MOB3C: variants seen among roughly 807,000 people sequenced by gnomAD.
MOB3C encodes the protein MOB1, Mps One Binder kinase activator-like 2C.
In MOB3C, 17 loss-of-function variants were observed where a neutral mutation model predicts 19.8. The observed-to-expected ratio is 0.86, with a 90% CI of 0.59 to 1.29. MOB3C has a LOEUF of 1.29. MOB3C is among the 50% of genes most tolerant of loss of function. MOB3C has a pLI of 0.00. For missense variants in MOB3C, 291 were observed against 301.9 expected (o/e 0.96, Z 0.27); for synonymous variants, 101 against 119.2 (o/e 0.85, Z 0.99).
At chr1:46,614,891 G>T in intron 1 of MOB3C, 2 of 1,094,548 alleles carry the variant, frequency 1.8e-6, no homozygotes, top group Non-Finnish European at 1.4e-6. Flanking sequence ...CAGGATGGGG[G>T]CAGTCTGGTA....
chr1:46,612,721 T>C (rs1302355151), intron 2 of MOB3C, among the ~76,000 whole-genome samples, 183 bp downstream of exon 2: 1 of 147,208 alleles, frequency 6.8e-6, no homozygotes, highest in African/African-American at 2.5e-5. Context: ...AAATTGGGAG[T>C]CAGGAAGTCC....
intron 1 of MOB3C, chr1:46,614,254 T>C (rs1675525192): frequency 6.6e-6 from 1 of 152,220 alleles, no homozygotes. Flanking sequence ...GATCCCAGAT[T>C]CAGAACAAAT....
chr1:46,613,659 T>G, intron 1 of MOB3C: 1 of 444,824 alleles, frequency 2.2e-6, no homozygotes, highest in Non-Finnish European at 4.0e-6. Flanking sequence ...AGACTTGCTG[T>G]TGGTCACGAG....
rs1419379456 is a variant in MOB3C at position 46,608,651 on chromosome 1, G to C, written c.*1004C>G. 3.9e-5 allele frequency: 6 copies of C among 152,686 alleles called. No individual in the cohort carries two copies. The allele number at this position is 152,686 out of a possible 1,614,324, so 9.5% of individuals were successfully genotyped here. A position where few individuals can be genotyped will look rare whatever the true frequency, so the allele number is the denominator to read the frequency against. ...CAAGACTCCAAAGTTCCCAATTCAA[G>C]TTCCACAAGCTCCTTGGACGGGGAG... On this transcript the variant is annotated 3_prime_UTR_variant, in exon 4 of 4. Transcript: ENST00000319928. The surrounding 1 kb of genome is among the most constrained non-coding windows in gnomAD (Gnocchi z 4.5).
At position 46,613,043 on chromosome 1, in the gene MOB3C, C is replaced by T; in HGVS notation, c.279G>A (p.Gly93=). 1.2e-6 allele frequency: 2 copies of T among 1,614,056 alleles called. No homozygotes were observed. The highest frequency in any genetic ancestry group is 8.5e-7 in the Non-Finnish European group (1 of 1,179,974). Residue 93 remains glycine (G), a synonymous_variant, in exon 2 of 4, where the codon GGG becomes GGA. Coordinates refer to ENST00000319928, the MANE Select transcript of MOB3C (RefSeq NM_201403.3). ...SETSCPVMAG[G]PRYEYRWQDE... Reference sequence around the variant, plus strand: ...CCTGCCAGCGGTACTCGTAGCGGGGCCCGCCGGCCATGACCGGGCAGCTGG... The same window carrying T: ...CCTGCCAGCGGTACTCGTAGCGGGGTCCGCCGGCCATGACCGGGCAGCTGG...
intron 2 of MOB3C, 67 bp downstream of exon 2, chr1:46,612,837 T>C (rs1372722270): frequency 4.8e-6 from 7 of 1,455,788 alleles, no homozygotes; most frequent in African/African-American, 1.4e-5. Flanking sequence ...AGAGTGTCTA[T>C]ATCAAACTAA....
In MOB3C at chr1:46,609,935, G is replaced by A; in HGVS notation, c.621+67C>T. On this transcript the variant is annotated intron_variant, in intron 3 of 3. Transcript: ENST00000319928. ...TGGGCGTTGGAGTTACTTAAAGCAG[G>A]CAGCTTTTGGACGTGAAAACTCAGA... 5 of 1,571,012 alleles carry A rather than the reference G, an allele frequency of 3.2e-6. No individual in the cohort carries two copies. The South Asian group carries it at 5.6e-5, about 17-fold the overall frequency.
At chr1:46,615,262 C>A (rs1214781868) in intron 1 of MOB3C, 5 of 577,162 alleles carry the variant, frequency 8.7e-6, no homozygotes, top group Non-Finnish European at 1.5e-5. Context: ...CTCCCCACAC[C>A]AACCACCCTG....
At chr1:46,615,251 C>T in intron 1 of MOB3C, 1 of 582,232 alleles carries the variant, frequency 1.7e-6, no homozygotes, top group Non-Finnish European at 3.0e-6. Context: ...CCACTTCCCA[C>T]CTCCCCACAC....
intron 3 of MOB3C, 150 bp downstream of exon 3, chr1:46,609,852 C>G: frequency 8.2e-7 from 1 of 1,218,004 alleles, no homozygotes. Flanking sequence ...TGAATGAATT[C>G]TCTATTGAAG....
At chr1:46,612,304 A>C (rs1675482224) in intron 2 of MOB3C, among the ~76,000 whole-genome samples, 1 of 152,166 alleles carries the variant, frequency 6.6e-6, no homozygotes, top group African/African-American at 2.4e-5. Context: ...GGGAGGCTGG[A>C]GGTCAAATCA....
chr1:46,615,131 A>G, intron 1 of MOB3C: 3 of 1,420,236 alleles, frequency 2.1e-6, no homozygotes, highest in Admixed American at 1.7e-5. Flanking sequence ...AATCCCTCAC[A>G]CTGCAATTAG....
intron 2 of MOB3C, among the ~76,000 whole-genome samples, chr1:46,612,519 C>T (rs1052157899): frequency 3.9e-5 from 6 of 151,964 alleles, no homozygotes; most frequent in Non-Finnish European, 2.9e-5. Context: ...CAAAAATTAG[C>T]CAGGCGTGGT....
At chr1:46,614,695 C>T (rs572046940) in intron 1 of MOB3C, 1 of 401,544 alleles carries the variant, frequency 2.5e-6, no homozygotes, top group African/African-American at 2.0e-5. Flanking sequence ...GGAGCACTGT[C>T]CTTTCTCACA....
chr1:46,608,327 G>C lies in MOB3C; in HGVS notation c.*1328C>G, dbSNP rs1020120014. On this transcript the variant is annotated 3_prime_UTR_variant, in exon 4 of 4. Transcript: ENST00000319928. This position sits in a 1 kb window ranked among gnomAD's most constrained non-coding sequence, Gnocchi z 4.5. ...GACAGTAAGACTGGATGATTCTCAGGTTCCCTCTGGCTTTCCATTCTGGCA... is the reference window on the plus strand; with the variant it reads ...GACAGTAAGACTGGATGATTCTCAGCTTCCCTCTGGCTTTCCATTCTGGCA... 1.3e-5 allele frequency: 2 copies of C among 152,224 alleles called. No homozygotes were observed. Among genetic ancestry groups the C allele is most frequent in the African/African-American group, 4.8e-5 (2 of 41,440 alleles). The allele number at this position is 152,224 out of a possible 1,614,324, so 9.4% of individuals were successfully genotyped here.
intron 2 of MOB3C, among the ~76,000 whole-genome samples, chr1:46,612,530 G>A (rs12048342): frequency 0.26 from 38,742 of 151,816 alleles, 4,970 homozygotes; most frequent in Admixed American, 0.33. Context: ...CAGGCGTGGT[G>A]GTGGGTGCCT....
At chr1:46,616,021 T>C in intron 1 of MOB3C, 1 of 152,392 alleles carries the variant, frequency 6.6e-6, no homozygotes, top group Non-Finnish European at 1.5e-5. Context: ...CCCCATGCCC[T>C]CACTGAGTTT....
At chr1:46,616,185 G>A (rs1675558136) in intron 1 of MOB3C, 1 of 152,320 alleles carries the variant, frequency 6.6e-6, no homozygotes, top group Non-Finnish European at 1.5e-5. Flanking sequence ...GAAGACAGCA[G>A]GCTGACCCTA....
intron 1 of MOB3C, chr1:46,613,619 C>T: frequency 1.8e-6 from 1 of 546,814 alleles, no homozygotes. Context: ...CATTGCAGAG[C>T]TGGGCCTGGG....
Sources: gnomAD v4.1 joint callset for allele counts (sites outside exome capture counted in the v4.1 genomes callset) on GRCh38, gnomAD v4.1.1 for gene constraint, Gnocchi (gnomAD v3.1) non-coding constraint, MANE v1.5 for transcripts, NCBI Gene and HGNC (gene_info 2026-07-23, HGNC 2026-07-21) for gene names.